LARP4B: variants seen among roughly 807,000 people sequenced by gnomAD.
LARP4B encodes La ribonucleoprotein 4B, also known as la-related protein 4B.
In LARP4B, 12 loss-of-function variants were observed where a neutral mutation model predicts 89.8. The observed-to-expected ratio is 0.13, with a 90% confidence interval of 0.09 to 0.22. The LOEUF is 0.22. Among genes scored for constraint, LARP4B ranks in the 10% least tolerant of loss-of-function variants. The pLI, the probability that LARP4B is intolerant of heterozygous loss-of-function variation, is 1.00. For synonymous variants in LARP4B, 367 were observed against 363.3 expected (o/e 1.01, Z -0.12); for missense variants, 757 against 947.7 (o/e 0.80, Z 2.64).
At chr10:950,209 A>G in the LARP4B span, among the ~76,000 whole-genome samples, 2 of 152,124 alleles carry the variant, frequency 1.3e-5, no homozygotes, top group African/African-American at 2.4e-5. Flanking sequence ...CATCTTCTTA[A>G]CATAGCCTTT....
chr10:971,678 C>T, the LARP4B span: 6 of 152,262 alleles, frequency 3.9e-5, no homozygotes, highest in East Asian at 9.6e-4. Flanking sequence ...AGAGATCACC[C>T]AGAAGCTGAC....
chr10:836,325 C>G (rs1833216754), intron 8 of LARP4B, 78 bp downstream of exon 8: 1 of 1,061,440 alleles, frequency 9.4e-7, no homozygotes, highest in Non-Finnish European at 1.4e-6. Flanking sequence ...CAAAAAAACA[C>G]AAAAGTAAAA....
chr10:862,461 G>C (rs576807710), intron 5 of LARP4B, among the ~76,000 whole-genome samples: 1 of 152,236 alleles, frequency 6.6e-6, no homozygotes, highest in African/African-American at 2.4e-5. Context: ...TGGCAAGTGG[G>C]GTGGGGGAGG....
the LARP4B span, among the ~76,000 whole-genome samples, chr10:956,484 T>A: frequency 2.0e-5 from 3 of 152,176 alleles, no homozygotes; most frequent in East Asian, 3.9e-4. This position sits in a 1 kb window ranked among gnomAD's most constrained non-coding sequence, Gnocchi z 4.3. Context: ...TAGCTGGGAC[T>A]ACAGGCGCCC....
chr10:974,286 G>A, the LARP4B span, among the ~76,000 whole-genome samples: 25,255 of 152,052 alleles, frequency 0.17, 2,231 homozygotes, highest in East Asian at 0.28. Context: ...AACCCAGGGC[G>A]GGTGGGAAGG....
At chr10:955,151 C>T in the LARP4B span, among the ~76,000 whole-genome samples, 4 of 152,334 alleles carry the variant, frequency 2.6e-5, no homozygotes, top group African/African-American at 9.6e-5. This position sits in a 1 kb window ranked among gnomAD's most constrained non-coding sequence, Gnocchi z 5.2. Flanking sequence ...CACTCTCGGG[C>T]AGCTCTGACA....
At chr10:940,078 T>C in the LARP4B span, among the ~76,000 whole-genome samples, 88 of 145,326 alleles carry the variant, frequency 6.1e-4, 1 homozygote, top group Middle Eastern at 0.034. Context: ...AGTGCAATGG[T>C]GCGATCTCGG....
chr10:976,880 C>T, the LARP4B span, among the ~76,000 whole-genome samples: 11 of 144,174 alleles, frequency 7.6e-5, no homozygotes, highest in Non-Finnish European at 1.7e-4. Flanking sequence ...GCCTGTTGTG[C>T]AACGTGTGGA....
chr10:817,316 C>G (rs1346187709), intron 15 of LARP4B, among the ~76,000 whole-genome samples: 3 of 152,206 alleles, frequency 2.0e-5, no homozygotes. Flanking sequence ...TGAGGTTCTC[C>G]CAGGCTTCTT....
At chr10:823,082 C>T (rs993230633) in intron 13 of LARP4B, among the ~76,000 whole-genome samples, 1 of 152,224 alleles carries the variant, frequency 6.6e-6, no homozygotes, top group African/African-American at 2.4e-5. Context: ...TTTCTCAAGA[C>T]AGAGGGAAGG....
the LARP4B span, among the ~76,000 whole-genome samples, chr10:963,384 G>A: frequency 1.3e-5 from 2 of 152,142 alleles, no homozygotes; most frequent in East Asian, 3.8e-4. Flanking sequence ...CTTGACATGT[G>A]CTCTGAGGAC....
chr10:913,360 A>G (rs1398707175), intron 1 of LARP4B, among the ~76,000 whole-genome samples: 1 of 152,250 alleles, frequency 6.6e-6, no homozygotes, highest in African/African-American at 2.4e-5. Context: ...ACCAAAATAT[A>G]TGAAACACCT....
chr10:977,854 C>T, the LARP4B span, among the ~76,000 whole-genome samples: 2 of 152,076 alleles, frequency 1.3e-5, no homozygotes, highest in Non-Finnish European at 2.9e-5. Flanking sequence ...CCACCCATAC[C>T]AAGGGATGAC....
At chr10:985,926 C>T in the LARP4B span, 1 of 152,208 alleles carries the variant, frequency 6.6e-6, no homozygotes, top group Non-Finnish European at 1.5e-5. Flanking sequence ...CTTTTGGAAA[C>T]AAGATGTACA....
At position 814,701 on chromosome 10, in the gene LARP4B, C is replaced by T. The variant is rs749393780; in HGVS notation, c.1929+41G>A. 2.6e-6 allele frequency: 4 copies of T among 1,560,690 alleles called. No homozygotes were observed. Among genetic ancestry groups the T allele is most frequent in the South Asian group, 2.4e-5 (2 of 84,892 alleles). On this transcript the variant is annotated intron_variant, in intron 17 of 17. Coordinates refer to ENST00000316157, the MANE Select transcript of LARP4B (RefSeq NM_015155.3). The surrounding 1 kb of genome is among the most constrained non-coding windows in gnomAD (Gnocchi z 4.4). ...GCGCAGCGTCTGTTCACACCAGAGC[C>T]TCGCGGCTGTCGTGCAGGAAGGCAG...
At chr10:840,506 T>C (rs1403271558) in intron 7 of LARP4B, among the ~76,000 whole-genome samples, 1 of 152,224 alleles carries the variant, frequency 6.6e-6, no homozygotes, top group Admixed American at 6.5e-5. Flanking sequence ...CTTGTTGGAA[T>C]ATGTAGGCCT....
chr10:918,596 T>C (rs1836890442), intron 1 of LARP4B, among the ~76,000 whole-genome samples: 1 of 133,782 alleles, frequency 7.5e-6, no homozygotes, highest in Non-Finnish European at 1.5e-5. Context: ...ATCACGCCAC[T>C]GCACTCCAGC....
chr10:949,723 C>G, the LARP4B span, among the ~76,000 whole-genome samples: 1 of 152,232 alleles, frequency 6.6e-6, no homozygotes, highest in Non-Finnish European at 1.5e-5. Flanking sequence ...TCTCGGACAT[C>G]TCTTCTTGTG....
At chr10:931,849 G>A (rs1010406670), upstream of LARP4B, 3 of 151,570 alleles carry the variant, frequency 2.0e-5, no homozygotes, top group Non-Finnish European at 4.4e-5. Flanking sequence ...GCGCTGATTG[G>A]GCGCACCCGA....
Sources: gnomAD v4.1 joint callset for allele counts (sites outside exome capture counted in the v4.1 genomes callset) on GRCh38, gnomAD v4.1.1 for gene constraint, Gnocchi (gnomAD v3.1) non-coding constraint, MANE v1.5 for transcripts, NCBI Gene and HGNC (gene_info 2026-07-23, HGNC 2026-07-21) for gene names.